The following SLC38A4 variants were observed in gnomAD, a reference collection of about 807,000 sequenced individuals.
SLC38A4 encodes solute carrier family 38 member 4.
In SLC38A4, 20 loss-of-function variants were observed where a neutral mutation model predicts 63.1. That is an observed-to-expected ratio of 0.32 (90% confidence interval 0.22 to 0.46). The LOEUF is 0.46. Ranked by LOEUF, SLC38A4 falls within the 20% of genes least tolerant of loss-of-function variation. The pLI is 1.00. For missense variants in SLC38A4, 526 were observed against 663.6 expected, an observed-to-expected ratio of 0.79 and a Z score of 2.28; for synonymous variants, 230 against 225.5, an observed-to-expected ratio of 1.02 and a Z score of -0.18.
chr12:46,821,576 A>G (rs117677831), intron 1 of SLC38A4, among the ~76,000 whole-genome samples: 9,188 of 151,988 alleles, frequency 0.06, 390 homozygotes, highest in Non-Finnish European at 0.095. Flanking sequence ...TTTTGGTACC[A>G]TATTTTTTCA....
chr12:46,792,998 T>C lies in SLC38A4; in HGVS notation c.74A>G (p.Asp25Gly). The C allele has an allele frequency of 6.2e-7, 1 of 1,613,436 alleles. No homozygotes were observed. Among genetic ancestry groups the C allele is most frequent in the Non-Finnish European group, 8.5e-7 (1 of 1,179,522 alleles). The change falls in exon 3 of 17, where the codon GAT becomes GGT. Residue 25 changes from aspartate (D) to glycine (G), a missense_variant. Coordinates refer to ENST00000266579, the MANE Select transcript of SLC38A4 (RefSeq NM_018018.5). ...TGAATTTCCTATCCCGATGTAGCTA[T>C]CTGGAGCACTTTCTCCACTGCTGCT... ...DESSSGESAP[D>G]SYIGIGNSEK...
rs576280008 is a variant in SLC38A4, at chr12:46,765,342, A to T, written c.*1359T>A. The T allele has an allele frequency of 1.7e-5, 3 of 179,204 alleles. No homozygotes were observed. The highest frequency in any genetic ancestry group is 7.2e-5 in the African/African-American group (3 of 41,816). The allele number at this position is 179,204 out of a possible 1,614,324, so 11.1% of individuals were successfully genotyped here. The stretch of plus-strand genomic sequence containing the variant: ...AGTGTTAGCACTTATACTTTTACAG[A>T]GAACCACTCAACACTGTATTAAATG... On this transcript the variant is annotated 3_prime_UTR_variant, in exon 17 of 17. Coordinates refer to ENST00000266579, the MANE Select transcript of SLC38A4 (RefSeq NM_018018.5).
intron 1 of SLC38A4, among the ~76,000 whole-genome samples, chr12:46,809,074 A>C (rs1008717783): frequency 6.6e-6 from 1 of 151,860 alleles, no homozygotes; most frequent in African/African-American, 2.4e-5. Flanking sequence ...ATGCATTTTG[A>C]TTTTGTAATT....
chr12:46,798,047 T>A (rs1363990666), intron 2 of SLC38A4, among the ~76,000 whole-genome samples: 1 of 152,176 alleles, frequency 6.6e-6, no homozygotes, highest in Non-Finnish European at 1.5e-5. Context: ...TCACCTTCAC[T>A]CTTGTCCAAG....
At chr12:46,787,340 T>C (rs1213119216) in intron 5 of SLC38A4, among the ~76,000 whole-genome samples, 1 of 151,866 alleles carries the variant, frequency 6.6e-6, no homozygotes, top group Non-Finnish European at 1.5e-5. Context: ...TTGTGGTGAG[T>C]GTTATGATAA....
In SLC38A4 at chr12:46,784,828, A is replaced by G. The variant is rs186484772; in HGVS notation, c.401-194T>C. ...TCTCCAAACAAGAATCAATGGTTTT[A>G]TTTATTTTAGCTGCATGTAGCAAGT... On this transcript the variant is annotated intron_variant, in intron 6 of 16. Transcript: ENST00000266579. Among the ~76,000 whole-genome samples the G allele has an allele frequency of 2.6e-5, 4 of 152,248 alleles. No homozygotes were observed. The East Asian group carries it at 7.7e-4, about 29-fold the overall frequency.
intron 1 of SLC38A4, among the ~76,000 whole-genome samples, chr12:46,814,931 T>C (rs1423992675): frequency 6.6e-6 from 1 of 151,986 alleles, no homozygotes; most frequent in African/African-American, 2.4e-5. Context: ...TAAAAGGCTG[T>C]GGTGTCAAAT....
intron 1 of SLC38A4, among the ~76,000 whole-genome samples, chr12:46,825,306 ACAAAGTT>A (rs1370440855): frequency 0.021 from 2,271 of 109,996 alleles, 73 homozygotes; most frequent in East Asian, 0.03. Context: ...ACTTTAATAT[ACAAAGTT>A]TATATATATA....
At chr12:46,827,357 T>C (rs1939673338), upstream of SLC38A4, among the ~76,000 whole-genome samples, 2 of 152,196 alleles carry the variant, frequency 1.3e-5, no homozygotes, top group Admixed American at 1.3e-4. Context: ...AATAACATTA[T>C]GACCAAGAGT....
In SLC38A4 at chr12:46,766,174, T is replaced by C. The variant is rs773685034; in HGVS notation, c.*527A>G. 3.0e-6 allele frequency: 1 copy of C among 337,758 alleles called. No individual in the cohort carries two copies. The highest frequency in any genetic ancestry group is 5.8e-6 in the Non-Finnish European group (1 of 171,128). 20.9% of individuals were successfully genotyped at this position (337,758 alleles called of 1,614,324 possible). ...CTCTAGACTGGTGTTTGACCATTCA[T>C]GTACCTTACAGAAACAGAAACAGTT... is the stretch of plus-strand genomic sequence containing the variant. On this transcript the variant is annotated 3_prime_UTR_variant, in exon 17 of 17. Coordinates refer to ENST00000266579, the MANE Select transcript of SLC38A4 (RefSeq NM_018018.5).
At chr12:46,777,088 G>A (rs1270979823) in intron 12 of SLC38A4, 84 bp from the exon 13 acceptor site, 1 of 1,128,298 alleles carries the variant, frequency 8.9e-7, no homozygotes, top group African/African-American at 1.6e-5. Context: ...TAATAAAAAA[G>A]TATATCTATA....
At chr12:46,775,295 C>A (rs73283905) in intron 13 of SLC38A4, 122 bp from the exon 14 acceptor site, 1 of 1,220,124 alleles carries the variant, frequency 8.2e-7, no homozygotes, top group Non-Finnish European at 1.1e-6. Flanking sequence ...GGAATCCAGG[C>A]ACCTCTGGTC....
intron 15 of SLC38A4, 141 bp downstream of exon 15, chr12:46,769,143 C>T (rs1470247990): frequency 8.0e-6 from 7 of 877,354 alleles, no homozygotes; most frequent in Non-Finnish European, 1.2e-5. Context: ...GCAGCTCAAT[C>T]ACCAGAGCCT....
chr12:46,817,842 C>A (rs528994445), intron 1 of SLC38A4, among the ~76,000 whole-genome samples: 13 of 151,848 alleles, frequency 8.6e-5, no homozygotes, highest in Non-Finnish European at 1.6e-4. Flanking sequence ...TAGCTGACTG[C>A]AGTTAAAATT....
chr12:46,809,423 G>A (rs994695392), intron 1 of SLC38A4, among the ~76,000 whole-genome samples: 8 of 152,056 alleles, frequency 5.3e-5, no homozygotes, highest in Non-Finnish European at 1.0e-4. Context: ...GAGGATTTCC[G>A]AGTCAGGTCT....
chr12:46,822,987 C>T (rs1237501037), intron 1 of SLC38A4, among the ~76,000 whole-genome samples: 1 of 152,128 alleles, frequency 6.6e-6, no homozygotes, highest in Non-Finnish European at 1.5e-5. Context: ...TTATACAATG[C>T]ACATAAGGCA....
intron 1 of SLC38A4, among the ~76,000 whole-genome samples, chr12:46,806,579 C>G (rs1308427384): frequency 6.6e-6 from 1 of 151,946 alleles, no homozygotes; most frequent in Non-Finnish European, 1.5e-5. Flanking sequence ...TAATTTGACT[C>G]TTTCTCTTGT....
At chr12:46,810,681 A>C (rs1939322819) in intron 1 of SLC38A4, among the ~76,000 whole-genome samples, 1 of 151,950 alleles carries the variant, frequency 6.6e-6, no homozygotes, top group South Asian at 2.1e-4. Context: ...TATTTTATTT[A>C]ATTTATATTT....
intron 2 of SLC38A4, among the ~76,000 whole-genome samples, chr12:46,795,509 C>G (rs937834695): frequency 5.9e-5 from 9 of 152,002 alleles, no homozygotes; most frequent in African/African-American, 2.2e-4. Flanking sequence ...GAATGGCTTC[C>G]TCCTCCAACC....
Sources: gnomAD v4.1 joint callset for allele counts (sites outside exome capture counted in the v4.1 genomes callset) on GRCh38, gnomAD v4.1.1 for gene constraint, MANE v1.5 for transcripts, NCBI Gene and HGNC (gene_info 2026-07-23, HGNC 2026-07-21) for gene names.